Variants in CFAP221 observed in about 807,000 individuals in gnomAD.
The protein encoded by CFAP221 is cilia and flagella associated protein 221, also known as cilia- and flagella-associated protein 221.
Under a neutral mutation model 113.1 loss-of-function variants are expected in CFAP221, and 97 were observed. That is an observed-to-expected ratio of 0.86 (90% CI 0.73 to 1.02). The LOEUF is 1.02. Among genes scored for constraint, CFAP221 ranks in the 50% least tolerant of loss-of-function variants. CFAP221 has a pLI of 0.00. For synonymous variants in CFAP221, 331 were observed against 354.4 expected, an observed-to-expected ratio of 0.93 and a Z score of 0.74; for missense variants, 1,025 against 1,013.4, an observed-to-expected ratio of 1.01 and a Z score of -0.16.
At chr2:119,627,305 TAAAG>T (rs940526858) in intron 15 of CFAP221, among the ~76,000 whole-genome samples, 2 of 152,182 alleles carry the variant, frequency 1.3e-5, no homozygotes, top group African/African-American at 2.4e-5. Flanking sequence ...AAGTTTCTAA[TAAAG>T]AAACTCTTTT....
intron 8 of CFAP221, 158 bp downstream of exon 8, chr2:119,601,535 TATAGA>T: frequency 6.0e-6 from 4 of 661,908 alleles, no homozygotes; most frequent in Non-Finnish European, 9.4e-6. Context: ...ATAACAGAAA[TATAGA>T]ATATATCTAT....
intron 22 of CFAP221, chr2:119,648,435 G>A (rs1266200051): frequency 3.3e-6 from 1 of 304,852 alleles, no homozygotes; most frequent in Non-Finnish European, 7.4e-6. Context: ...GTCTTTGGGG[G>A]TATAAAGGAG....
At chr2:119,648,655 A>G (rs1201104941) in intron 22 of CFAP221, 1 of 157,222 alleles carries the variant, frequency 6.4e-6, no homozygotes, top group African/African-American at 2.4e-5. Flanking sequence ...TGGGGAGGGA[A>G]CATTTTAAGT....
chr2:119,554,583 C>T (rs959855301), intron 3 of CFAP221, among the ~76,000 whole-genome samples: 5 of 152,184 alleles, frequency 3.3e-5, no homozygotes, highest in South Asian at 2.1e-4. Flanking sequence ...CATCAGTTTA[C>T]ATTAGAGACC....
At chr2:119,617,127 T>TG (rs1462221334) in intron 14 of CFAP221, among the ~76,000 whole-genome samples, 1 of 152,208 alleles carries the variant, frequency 6.6e-6, no homozygotes. Flanking sequence ...AATGAATGAA[T>TG]ATATATAAGG....
chr2:119,638,626 G>A (rs1027157082), intron 20 of CFAP221, among the ~76,000 whole-genome samples: 3 of 152,108 alleles, frequency 2.0e-5, no homozygotes, highest in African/African-American at 7.2e-5. Flanking sequence ...CCTGCCTCTC[G>A]GGCTGCCTGC....
At chr2:119,562,467 G>T (rs1055880609) in intron 6 of CFAP221, among the ~76,000 whole-genome samples, 2 of 152,088 alleles carry the variant, frequency 1.3e-5, no homozygotes, top group African/African-American at 2.4e-5. Flanking sequence ...TCCCCTTCAT[G>T]GGGGCAAGAC....
chr2:119,559,763 T>G lies in CFAP221; in HGVS notation c.315T>G (p.Asn105Lys), dbSNP rs1348343606. ...LPPQTKYFEI[N>K]YVRKEHHLVP... ...CGCAAACCAAATACTTTGAGATCAA[T>G]TATGTAAGAAAGGTAAGCGTCATTG... Residue 105 changes from asparagine to lysine, a missense_variant, in exon 4 of 24, where the codon AAT becomes AAG. Coordinates refer to ENST00000413369, the MANE Select transcript of CFAP221 (RefSeq NM_001271049.2). The G allele has an allele frequency of 6.6e-7, 1 of 1,524,866 alleles. No individual in the cohort carries two copies. The highest frequency in any genetic ancestry group is 2.0e-5 in the Admixed American group (1 of 50,946). 94.5% of individuals were successfully genotyped at this position (1,524,866 alleles called of 1,614,324 possible). A position where few individuals can be genotyped will look rare whatever the true frequency, so the allele number is the denominator to read the frequency against.
At chr2:119,562,250 A>G in intron 6 of CFAP221, 136 bp downstream of exon 6, 1 of 516,254 alleles carries the variant, frequency 1.9e-6, no homozygotes, top group Non-Finnish European at 3.1e-6. Flanking sequence ...TCATTGTAAA[A>G]GGCAAAAAAA....
At chr2:119,571,172 C>T (rs1682021195) in intron 6 of CFAP221, among the ~76,000 whole-genome samples, 1 of 127,338 alleles carries the variant, frequency 7.9e-6, no homozygotes, top group Non-Finnish European at 1.6e-5. Context: ...TGGAGTTTCA[C>T]TCTTGTCACC....
intron 2 of CFAP221, among the ~76,000 whole-genome samples, chr2:119,547,614 C>A (rs754848820): frequency 6.6e-6 from 1 of 152,088 alleles, no homozygotes; most frequent in African/African-American, 2.4e-5. Context: ...TTTAAAATTA[C>A]GGAATATGGT....
At chr2:119,625,992 A>T (rs1686282694) in intron 15 of CFAP221, among the ~76,000 whole-genome samples, 1 of 152,150 alleles carries the variant, frequency 6.6e-6, no homozygotes, top group South Asian at 2.1e-4. Context: ...ATCATCTCAC[A>T]GTTCTGGAGG....
At chr2:119,572,514 C>A in intron 6 of CFAP221, 2 of 688,592 alleles carry the variant, frequency 2.9e-6, no homozygotes, top group South Asian at 3.1e-5. Context: ...TAAAAAGATT[C>A]ATGTTAATTC....
intron 22 of CFAP221, among the ~76,000 whole-genome samples, chr2:119,648,258 A>G (rs1003859767): frequency 4.6e-5 from 7 of 152,228 alleles, no homozygotes; most frequent in Non-Finnish European, 7.3e-5. Flanking sequence ...ATCACCCAAT[A>G]GTAACATTAT....
At chr2:119,620,247 A>G (rs1054270545) in intron 14 of CFAP221, among the ~76,000 whole-genome samples, 8 of 152,192 alleles carry the variant, frequency 5.3e-5, no homozygotes, top group African/African-American at 1.9e-4. Context: ...AGAACACCAC[A>G]AAGATACTCC....
At chr2:119,582,665 A>G (rs1456297234) in intron 6 of CFAP221, among the ~76,000 whole-genome samples, 1 of 152,114 alleles carries the variant, frequency 6.6e-6, no homozygotes, top group Admixed American at 6.5e-5. Flanking sequence ...TACATTGCCC[A>G]GGCTGGTCTT....
At chr2:119,558,637 A>G (rs1438205952) in intron 3 of CFAP221, among the ~76,000 whole-genome samples, 1 of 151,980 alleles carries the variant, frequency 6.6e-6, no homozygotes, top group East Asian at 1.9e-4. Flanking sequence ...GGACAACATA[A>G]TGAGACCCCA....
chr2:119,554,494 C>A (rs918678213), intron 3 of CFAP221, among the ~76,000 whole-genome samples: 132 of 152,260 alleles, frequency 8.7e-4, no homozygotes, highest in African/African-American at 3.0e-3. Context: ...CAGCCCAAAA[C>A]AAAATTGTTA....
chr2:119,599,591 G>A (rs1684227096), intron 7 of CFAP221, among the ~76,000 whole-genome samples: 1 of 152,148 alleles, frequency 6.6e-6, no homozygotes, highest in Non-Finnish European at 1.5e-5. Flanking sequence ...CAAGTGCTGA[G>A]CCAGTGCACA....
Sources: allele counts gnomAD v4.1 joint callset (sites outside exome capture counted in the v4.1 genomes callset), GRCh38; gene constraint gnomAD v4.1.1; transcripts MANE v1.5; gene names NCBI Gene and HGNC (gene_info 2026-07-23, HGNC 2026-07-21).